The following SATB1 variants were observed in gnomAD, a reference collection of about 807,000 sequenced individuals.
SATB1 encodes SATB homeobox 1.
In SATB1, 11 loss-of-function variants were observed where a neutral mutation model predicts 86.9. The ratio of observed to expected loss-of-function variants is 0.13; its 90% CI spans 0.08 to 0.21. The LOEUF (loss-of-function observed/expected upper bound fraction) is 0.21. Ranked by LOEUF, SATB1 falls within the 10% of genes least tolerant of loss-of-function variation. The pLI, the probability that SATB1 is intolerant of heterozygous loss-of-function variation, is 1.00. For missense variants in SATB1, 551 were observed against 937.6 expected (o/e 0.59, Z 5.39); for synonymous variants, 357 against 357.2 (o/e 1.00, Z 0.01).
rs1487619698 is a variant in SATB1 at position 18,348,979 on chromosome 3, G to A, written c.*191C>T. Reference sequence around the variant, plus strand: ...ATGCTTCACCTGGGGCTGCCAAGCAGTTTGTAAAACAGAGGAAAACATTTA... The same window carrying A: ...ATGCTTCACCTGGGGCTGCCAAGCAATTTGTAAAACAGAGGAAAACATTTA... On this transcript the variant is annotated 3_prime_UTR_variant, in exon 11 of 11. Transcript: ENST00000338745. 2 of 975,516 alleles carry A rather than the reference G, an allele frequency of 2.1e-6. No individual in the cohort carries two copies. Among genetic ancestry groups the A allele is most frequent in the East Asian group, 5.4e-5 (2 of 37,172 alleles). The allele number at this position is 975,516 out of a possible 1,614,324, so 60.4% of individuals were successfully genotyped here.
chr3:18,429,948 G>C (rs1281721858), upstream of SATB1, among the ~76,000 whole-genome samples: 1 of 152,182 alleles, frequency 6.6e-6, no homozygotes, highest in Non-Finnish European at 1.5e-5. The surrounding 1 kb of genome is among the most constrained non-coding windows in gnomAD (Gnocchi z 4.1). Context: ...AAAGCTCACA[G>C]TGTCACTTGC....
At chr3:18,395,189 C>G (rs1696903812) in intron 6 of SATB1, among the ~76,000 whole-genome samples, 1 of 152,170 alleles carries the variant, frequency 6.6e-6, no homozygotes, top group South Asian at 2.1e-4. Flanking sequence ...TACCCAAACT[C>G]TTTCCAACTA....
chr3:18,390,630 C>T (rs1471221446), intron 7 of SATB1, among the ~76,000 whole-genome samples: 1 of 152,090 alleles, frequency 6.6e-6, no homozygotes, highest in African/African-American at 2.4e-5. Flanking sequence ...AATTTCTCTC[C>T]ACCACATAAT....
chr3:18,422,735 T>C (rs968085034), intron 1 of SATB1, among the ~76,000 whole-genome samples: 3 of 152,204 alleles, frequency 2.0e-5, no homozygotes, highest in African/African-American at 7.2e-5. Context: ...TTAAAACATA[T>C]GATTTGAAAA....
At chr3:18,425,407 AG>A (rs1271274735), upstream of SATB1, 1 of 136,996 alleles carries the variant, frequency 7.3e-6, no homozygotes, top group Non-Finnish European at 1.6e-5. Context: ...TGCGGAGCCG[AG>A]GAGGAAGGCG....
At chr3:18,410,831 AT>A (rs1697798896) in intron 5 of SATB1, 1 of 359,076 alleles carries the variant, frequency 2.8e-6, no homozygotes, top group African/African-American at 2.1e-5. Flanking sequence ...TTAAAAACAC[AT>A]TTGTATAACA....
At position 18,394,418 on chromosome 3, in the gene SATB1, G is replaced by T; in HGVS notation, c.1206+44C>A. ...AGTTATAGATGGGACTAAAGAAAGA[G>T]AAAATAGGAGACAGCACAGAACCAC... On this transcript the variant is annotated intron_variant, in intron 7 of 10. Transcript: ENST00000338745. This position sits in a 1 kb window ranked among gnomAD's most constrained non-coding sequence, Gnocchi z 5.9. 6.5e-7 allele frequency: 1 copy of T among 1,530,566 alleles called. No individual in the cohort carries two copies. The highest frequency in any genetic ancestry group is 1.1e-5 in the South Asian group (1 of 88,976). The allele number at this position is 1,530,566 out of a possible 1,614,324, so 94.8% of individuals were successfully genotyped here.
At chr3:18,372,114 T>C (rs1695504218) in intron 9 of SATB1, among the ~76,000 whole-genome samples, 1 of 152,230 alleles carries the variant, frequency 6.6e-6, no homozygotes, top group Non-Finnish European at 1.5e-5. Flanking sequence ...TTAAAGCAGG[T>C]TCTATGAATA....
intron 9 of SATB1, among the ~76,000 whole-genome samples, chr3:18,363,279 G>A (rs1219622331): frequency 6.6e-6 from 1 of 152,120 alleles, no homozygotes; most frequent in African/African-American, 2.4e-5. Flanking sequence ...CTGATAAAGT[G>A]TCCAAAACCG....
At chr3:18,409,816 C>T (rs898175239) in intron 5 of SATB1, among the ~76,000 whole-genome samples, 52 of 151,960 alleles carry the variant, frequency 3.4e-4, no homozygotes, top group Non-Finnish European at 7.2e-4. Context: ...TCCAGCTCAT[C>T]TCAAACAGGA....
intron 1 of SATB1, chr3:18,445,288 AGCCGCCGCC>A (rs1553629859): frequency 1.2e-5 from 12 of 982,132 alleles, no homozygotes; most frequent in African/African-American, 1.8e-5. Context: ...GCCGAGCCCG[AGCCGCCGCC>A]GCCGCCGCCG....
intron 9 of SATB1, among the ~76,000 whole-genome samples, chr3:18,376,582 G>A (rs939458589): frequency 2.0e-5 from 3 of 151,434 alleles, no homozygotes; most frequent in East Asian, 2.0e-4. Context: ...AAGTAGGTGG[G>A]GGGGGGGAGT....
Position 18,348,546 on chromosome 3 carries a change from T to TA in SATB1, c.*623dup, listed in dbSNP as rs1559383842. 6.6e-6 allele frequency: 1 copy of TA among 152,490 alleles called. No individual in the cohort carries two copies. The highest frequency in any genetic ancestry group is 1.5e-5 in the Non-Finnish European group (1 of 67,992). 9.4% of individuals were successfully genotyped at this position (152,490 alleles called of 1,614,324 possible). A position where few individuals can be genotyped will look rare whatever the true frequency, so the allele number is the denominator to read the frequency against. On this transcript the variant is annotated 3_prime_UTR_variant, in exon 11 of 11. Transcript: ENST00000338745. ...GTTTCACATTTTCTTTTCCTTTTTT[T>TA]AAAAAATCATGTAACAATGAGAATG...
chr3:18,428,016 A>G (rs573827142), upstream of SATB1, among the ~76,000 whole-genome samples: 1 of 152,364 alleles, frequency 6.6e-6, no homozygotes, highest in South Asian at 2.1e-4. Context: ...TGGCCAGTGT[A>G]AAGCCAGATA....
chr3:18,416,237 A>G, intron 3 of SATB1, 104 bp from the exon 4 acceptor site: 1 of 821,124 alleles, frequency 1.2e-6, no homozygotes, highest in Non-Finnish European at 1.8e-6. Flanking sequence ...CACAAGCAGT[A>G]CCGTTATTTC....
At chr3:18,382,263 A>C (rs1339157433) in intron 8 of SATB1, among the ~76,000 whole-genome samples, 1 of 152,178 alleles carries the variant, frequency 6.6e-6, no homozygotes. Context: ...AAGAGATGTA[A>C]AAAATGAAGA....
Position 18,443,875 on chromosome 3 carries a change from A to T in SATB1, c.-25+1643T>A, listed in dbSNP as rs975872020. 6.6e-6 allele frequency among the ~76,000 whole-genome samples: 1 copy of T among 152,012 alleles called. No homozygotes were observed. Among genetic ancestry groups the T allele is most frequent in the Non-Finnish European group, 1.5e-5 (1 of 67,992 alleles). On this transcript the variant is annotated intron_variant, in intron 1 of 3. Transcript: ENST00000415069. This position sits in a 1 kb window ranked among gnomAD's most constrained non-coding sequence, Gnocchi z 4.4. Reference sequence around the variant, plus strand: ...GCCTCTTGCCCAACTCCAAACCCACATTCACGCCAGCAGCCTCTCCAGGAC... The same window carrying T: ...GCCTCTTGCCCAACTCCAAACCCACTTTCACGCCAGCAGCCTCTCCAGGAC...
intron 9 of SATB1, among the ~76,000 whole-genome samples, chr3:18,370,852 G>C (rs972692541): frequency 1.3e-5 from 2 of 152,206 alleles, no homozygotes; most frequent in Admixed American, 1.3e-4. Flanking sequence ...ACAGATGGCA[G>C]GCTCTGACAG....
At chr3:18,411,047 T>C (rs7641608) in intron 5 of SATB1, 240,639 of 392,144 alleles carry the variant, frequency 0.61, 76,306 homozygotes, top group East Asian at 0.94. Flanking sequence ...ATTTGAGATC[T>C]CAGGATGCTG....
Sources: allele counts gnomAD v4.1 joint callset (sites outside exome capture counted in the v4.1 genomes callset), GRCh38; gene constraint gnomAD v4.1.1; non-coding constraint Gnocchi (gnomAD v3.1); transcripts MANE v1.5; gene names NCBI Gene and HGNC (gene_info 2026-07-23, HGNC 2026-07-21).